SLC35F1: variants seen among roughly 807,000 people sequenced by gnomAD.
SLC35F1 encodes solute carrier family 35 member F1.
A neutral mutation model predicts 48.7 loss-of-function variants in SLC35F1; 14 were observed. The observed-to-expected ratio is 0.29, with a 90% CI of 0.19 to 0.45. The LOEUF (loss-of-function observed/expected upper bound fraction) is 0.45, where lower values mean the gene tolerates loss of function less well. SLC35F1 is among the 20% of genes least tolerant of loss of function. SLC35F1 has a pLI of 1.00. For missense variants in SLC35F1, 404 were observed against 500.0 expected (o/e 0.81, Z 1.83); for synonymous variants, 190 against 202.2 (o/e 0.94, Z 0.51).
intron 7 of SLC35F1, among the ~76,000 whole-genome samples, chr6:118,299,879 C>T (rs1776235776): frequency 6.6e-6 from 1 of 152,158 alleles, no homozygotes; most frequent in Admixed American, 6.5e-5. Context: ...GTTACACAGC[C>T]TCGTGCAAAA....
intron 4 of SLC35F1, among the ~76,000 whole-genome samples, chr6:118,270,782 T>C (rs1429163209): frequency 6.6e-6 from 1 of 152,194 alleles, no homozygotes; most frequent in Non-Finnish European, 1.5e-5. Flanking sequence ...TATAGATGTG[T>C]TGGAGTGTGT....
In SLC35F1 at chr6:117,986,742, T is replaced by C. The variant is rs956453966; in HGVS notation, c.173+78843T>C. Among the ~76,000 whole-genome samples the C allele has an allele frequency of 3.3e-5, 5 of 152,362 alleles. No individual in the cohort carries two copies. The South Asian group carries it at 8.3e-4, about 25-fold the overall frequency. On this transcript the variant is annotated intron_variant, in intron 1 of 7. Transcript: ENST00000360388. ...TTGAAAGATGAGGAATCAGTATATT[T>C]ACCTCACTTGTTAAATGTGACAGCA...
chr6:118,271,050 C>T (rs992901832), intron 4 of SLC35F1, among the ~76,000 whole-genome samples: 1 of 152,132 alleles, frequency 6.6e-6, no homozygotes, highest in Non-Finnish European at 1.5e-5. Context: ...CTTACTTTTA[C>T]ATTTATTTCA....
At chr6:118,086,093 A>T (rs1244256666) in intron 1 of SLC35F1, among the ~76,000 whole-genome samples, 1 of 151,996 alleles carries the variant, frequency 6.6e-6, no homozygotes, top group Non-Finnish European at 1.5e-5. Flanking sequence ...TGGTGTATTT[A>T]TTTTTTTTCA....
chr6:118,144,543 C>T (rs1312592097), intron 1 of SLC35F1, among the ~76,000 whole-genome samples: 6 of 150,312 alleles, frequency 4.0e-5, no homozygotes, highest in African/African-American at 1.5e-4. Context: ...CACAGGTTTA[C>T]CTGTGTAACA....
intron 1 of SLC35F1, among the ~76,000 whole-genome samples, chr6:117,978,183 G>C (rs959233811): frequency 6.6e-6 from 1 of 152,076 alleles, no homozygotes. Context: ...AGTGGTGCCT[G>C]ATTTTTTCAT....
chr6:118,140,168 A>G (rs1354117368), intron 1 of SLC35F1, among the ~76,000 whole-genome samples: 1 of 152,220 alleles, frequency 6.6e-6, no homozygotes, highest in Non-Finnish European at 1.5e-5. Context: ...AGCAAGGTGC[A>G]TTGAGTCAAA....
At chr6:117,981,644 C>T (rs1366960871) in intron 1 of SLC35F1, among the ~76,000 whole-genome samples, 1 of 151,912 alleles carries the variant, frequency 6.6e-6, no homozygotes, top group Non-Finnish European at 1.5e-5. Context: ...GTACGTGGGA[C>T]GGCAAGCAGT....
chr6:118,180,755 T>G (rs1774564034), intron 2 of SLC35F1, among the ~76,000 whole-genome samples: 1 of 151,942 alleles, frequency 6.6e-6, no homozygotes, highest in Non-Finnish European at 1.5e-5. Flanking sequence ...AAGGAGATTA[T>G]AGAGAGAAAG....
intron 1 of SLC35F1, among the ~76,000 whole-genome samples, chr6:118,050,169 A>G (rs913066135): frequency 3.9e-5 from 6 of 152,096 alleles, no homozygotes; most frequent in Non-Finnish European, 7.4e-5. Flanking sequence ...GAACAATGAG[A>G]ACACTTGGAC....
intron 1 of SLC35F1, among the ~76,000 whole-genome samples, chr6:118,147,903 A>T (rs1279052188): frequency 6.6e-6 from 1 of 152,206 alleles, no homozygotes; most frequent in Non-Finnish European, 1.5e-5. Flanking sequence ...ATACCCAATT[A>T]ATGATAAATT....
intron 1 of SLC35F1, among the ~76,000 whole-genome samples, chr6:118,014,595 G>A (rs1183397107): frequency 6.6e-6 from 1 of 152,064 alleles, no homozygotes; most frequent in East Asian, 1.9e-4. Context: ...GGGTTGGTGT[G>A]GTCATGACAG....
At chr6:117,991,655 A>T (rs781050979) in intron 1 of SLC35F1, among the ~76,000 whole-genome samples, 2 of 152,066 alleles carry the variant, frequency 1.3e-5, no homozygotes, top group African/African-American at 2.4e-5. Flanking sequence ...CTTTTAATCC[A>T]TTTCTGATTT....
At chr6:118,201,030 G>GC (rs1774867801) in intron 2 of SLC35F1, among the ~76,000 whole-genome samples, 1 of 152,026 alleles carries the variant, frequency 6.6e-6, no homozygotes, top group Non-Finnish European at 1.5e-5. Flanking sequence ...TCCCACCTCA[G>GC]CCCCCCAAGT....
At chr6:117,973,065 A>T (rs1776663290) in intron 1 of SLC35F1, among the ~76,000 whole-genome samples, 1 of 152,102 alleles carries the variant, frequency 6.6e-6, no homozygotes, top group Admixed American at 6.5e-5. Context: ...ATAGAAATTT[A>T]TTTTTTTCAC....
At chr6:118,114,800 G>A (rs1283533886) in intron 1 of SLC35F1, among the ~76,000 whole-genome samples, 3 of 152,174 alleles carry the variant, frequency 2.0e-5, no homozygotes, top group African/African-American at 4.8e-5. Context: ...TATAAAACAG[G>A]AACTAATAGT....
At position 117,975,139 on chromosome 6, in the gene SLC35F1, A is replaced by T. The variant is rs146290251; in HGVS notation, c.173+67240A>T. 3.2e-3 allele frequency among the ~76,000 whole-genome samples: 480 copies of T among 152,344 alleles called. 2 individuals carry two copies. Among genetic ancestry groups the T allele is most frequent in the African/African-American group, 0.01 (435 of 41,580 alleles). Reference sequence around the variant, plus strand: ...TTATCAGCACTAATGAGCTGAACAGATGGAAATGTTTACTTCCTTCCATTG... The same window carrying T: ...TTATCAGCACTAATGAGCTGAACAGTTGGAAATGTTTACTTCCTTCCATTG... On this transcript the variant is annotated intron_variant, in intron 1 of 7. Transcript: ENST00000360388.
intron 1 of SLC35F1, among the ~76,000 whole-genome samples, chr6:117,930,380 AG>A (rs1300888097): frequency 1.3e-5 from 2 of 152,160 alleles, no homozygotes; most frequent in Non-Finnish European, 1.5e-5. Context: ...CAACAAGTGG[AG>A]TAGAAATGGG....
chr6:118,070,946 T>TAA (rs1489620447), intron 1 of SLC35F1, among the ~76,000 whole-genome samples: 60 of 134,232 alleles, frequency 4.5e-4, no homozygotes, highest in African/African-American at 1.7e-3. Context: ...ATATACATAG[T>TAA]ATATATATAC....
Sources: gnomAD v4.1 joint callset for allele counts (sites outside exome capture counted in the v4.1 genomes callset) on GRCh38, gnomAD v4.1.1 for gene constraint, MANE v1.5 for transcripts, NCBI Gene and HGNC (gene_info 2026-07-23, HGNC 2026-07-21) for gene names.